Variants in PRTG observed in about 807,000 individuals in gnomAD.
PRTG encodes immunoglobulin superfamily, DCC subclass, member 5.
In PRTG, 67 loss-of-function variants were observed where a neutral mutation model predicts 122.5. That is an observed-to-expected ratio of 0.55 (90% confidence interval 0.45 to 0.67). The LOEUF is 0.67. PRTG is among the 30% of genes least tolerant of loss of function. The pLI is 0.00. For synonymous variants in PRTG, 554 were observed against 501.1 expected (o/e 1.11, Z -1.41); for missense variants, 1,435 against 1,415.4 (o/e 1.01, Z -0.22).
At chr15:55,722,785 T>TG (rs35990984) in intron 2 of PRTG, among the ~76,000 whole-genome samples, 148,488 of 152,314 alleles carry the variant, frequency 0.97, 72,500 homozygotes, top group East Asian at 1. Context: ...TAACAAAATT[T>TG]GACAAGGTCA....
intron 2 of PRTG, among the ~76,000 whole-genome samples, chr15:55,710,698 T>C (rs1315914322): frequency 6.6e-6 from 1 of 152,166 alleles, no homozygotes; most frequent in Non-Finnish European, 1.5e-5. Flanking sequence ...CTCTATAAAC[T>C]AAACAGTTAT....
intron 16 of PRTG, 68 bp from the exon 17 acceptor site, chr15:55,627,196 G>T: frequency 8.0e-7 from 1 of 1,252,116 alleles, no homozygotes; most frequent in Non-Finnish European, 1.0e-6. Context: ...TAATTCTCAG[G>T]TACTTGCTTT....
intron 2 of PRTG, among the ~76,000 whole-genome samples, chr15:55,732,238 G>A (rs557362778): frequency 6.6e-6 from 1 of 152,174 alleles, no homozygotes; most frequent in Admixed American, 6.5e-5. Flanking sequence ...ACCCAGGCTA[G>A]AGTGCAGTGA....
chr15:55,698,522 A>G (rs1383804952), intron 2 of PRTG, among the ~76,000 whole-genome samples: 1 of 151,984 alleles, frequency 6.6e-6, no homozygotes, highest in Non-Finnish European at 1.5e-5. Context: ...AACTTGTGAG[A>G]TCATGCAATC....
At chr15:55,630,136 G>A (rs1251883915) in intron 15 of PRTG, among the ~76,000 whole-genome samples, 3 of 151,962 alleles carry the variant, frequency 2.0e-5, no homozygotes, top group Non-Finnish European at 2.9e-5. Context: ...ATAGGCGCCC[G>A]CCACCATGCC....
intron 2 of PRTG, among the ~76,000 whole-genome samples, chr15:55,698,547 TC>T (rs1232168418): frequency 6.6e-6 from 1 of 152,138 alleles, no homozygotes; most frequent in Non-Finnish European, 1.5e-5. Context: ...TGCCTCAGCC[TC>T]CCAAAGTGCT....
chr15:55,718,523 T>C (rs1026751121), intron 2 of PRTG, among the ~76,000 whole-genome samples: 1 of 151,724 alleles, frequency 6.6e-6, no homozygotes, highest in Admixed American at 6.6e-5. Context: ...CCTACCCAAA[T>C]CTTATAAAAC....
intron 2 of PRTG, among the ~76,000 whole-genome samples, chr15:55,703,778 A>G (rs2029977455): frequency 6.6e-6 from 1 of 152,190 alleles, no homozygotes; most frequent in Non-Finnish European, 1.5e-5. Context: ...TTTAAAAACT[A>G]TTCTGTCTCC....
At position 55,613,784 on chromosome 15, in the gene PRTG, G is replaced by C. The variant is rs1430287110; in HGVS notation, c.*6228C>G. 1 of 102,216 alleles carries C rather than the reference G, an allele frequency of 9.8e-6. No individual in the cohort carries two copies. The allele number at this position is 102,216 out of a possible 1,614,324, so 6.3% of individuals were successfully genotyped here. On this transcript the variant is annotated 3_prime_UTR_variant, in exon 20 of 20. Transcript: ENST00000389286. Reference sequence around the variant, plus strand: ...CTTTTTTTTTTTTTTTTTTTTTTAAGCTGAGACAATGTATCATAGTCCTAT... The same window carrying C: ...CTTTTTTTTTTTTTTTTTTTTTTAACCTGAGACAATGTATCATAGTCCTAT...
chr15:55,689,887 C>G (rs2059591095), intron 2 of PRTG, among the ~76,000 whole-genome samples: 1 of 150,584 alleles, frequency 6.6e-6, no homozygotes, highest in East Asian at 1.9e-4. Context: ...GAGATTGCAC[C>G]ACTACACTCC....
At position 55,730,250 on chromosome 15, in the gene PRTG, T is replaced by C. The variant is rs375285037; in HGVS notation, c.397+10132A>G. 8.6e-5 allele frequency among the ~76,000 whole-genome samples: 13 copies of C among 151,996 alleles called. No individual in the cohort carries two copies. The South Asian group carries it at 2.5e-3, about 29-fold the overall frequency. On this transcript the variant is annotated intron_variant, in intron 2 of 19. Coordinates refer to ENST00000389286, the MANE Select transcript of PRTG (RefSeq NM_173814.6). The stretch of plus-strand genomic sequence containing the variant: ...CTGAGTAGCTGGCATTACAGGTACT[T>C]GCCACCACGCCCAGCTAATTTTTGT...
At chr15:55,711,600 G>C (rs1436034277) in intron 2 of PRTG, among the ~76,000 whole-genome samples, 1 of 152,120 alleles carries the variant, frequency 6.6e-6, no homozygotes, top group African/African-American at 2.4e-5. Context: ...GCTGGATGGG[G>C]AAAGACATGG....
chr15:55,642,180 CAA>C (rs761440348), intron 11 of PRTG, among the ~76,000 whole-genome samples: 4,379 of 66,576 alleles, frequency 0.066, 51 homozygotes, highest in African/African-American at 0.13. Flanking sequence ...GACTCCGTCT[CAA>C]AAAAAAAAAA....
intron 16 of PRTG, among the ~76,000 whole-genome samples, chr15:55,627,923 C>T (rs969079714): frequency 6.6e-6 from 1 of 152,078 alleles, no homozygotes; most frequent in Non-Finnish European, 1.5e-5. Flanking sequence ...TGTGATTCTG[C>T]GAGTCTACGG....
intron 11 of PRTG, among the ~76,000 whole-genome samples, chr15:55,672,011 C>T (rs1197265788): frequency 1.3e-5 from 2 of 152,092 alleles, no homozygotes; most frequent in African/African-American, 2.4e-5. Flanking sequence ...TATGTAAGGG[C>T]ATTATTTATA....
At chr15:55,634,967 C>G (rs1382301948) in intron 15 of PRTG, among the ~76,000 whole-genome samples, 4 of 152,158 alleles carry the variant, frequency 2.6e-5, no homozygotes, top group African/African-American at 9.7e-5. Context: ...TTACTCTGCC[C>G]AATCAGACAT....
At chr15:55,629,855 G>C (rs1465580981) in intron 15 of PRTG, among the ~76,000 whole-genome samples, 1 of 140,162 alleles carries the variant, frequency 7.1e-6, no homozygotes, top group Non-Finnish European at 1.5e-5. Flanking sequence ...GTCTTGCTCT[G>C]TCGCCAGGCT....
chr15:55,624,295 G>A (rs754916796), intron 18 of PRTG, 47 bp downstream of exon 18: 24 of 1,567,538 alleles, frequency 1.5e-5, no homozygotes, highest in Admixed American at 3.4e-5. Flanking sequence ...CACACAGGGA[G>A]GAGGAATGGA....
intron 2 of PRTG, among the ~76,000 whole-genome samples, chr15:55,718,978 C>G (rs1178386662): frequency 2.8e-4 from 43 of 152,174 alleles, no homozygotes; most frequent in African/African-American, 9.9e-4. Context: ...CTCCTGACCT[C>G]AGGTACTCTG....
Sources: allele counts gnomAD v4.1 joint callset (sites outside exome capture counted in the v4.1 genomes callset), GRCh38; gene constraint gnomAD v4.1.1; transcripts MANE v1.5; gene names NCBI Gene and HGNC (gene_info 2026-07-23, HGNC 2026-07-21).